Variants in DMD observed in about 807,000 individuals in gnomAD.
DMD encodes the protein dystrophin, also known as mutant dystrophin.
DMD carries 63 observed loss-of-function variants against 330.1 expected under a neutral mutation model. The ratio of observed to expected loss-of-function variants is 0.19; its 90% CI spans 0.16 to 0.24. The LOEUF (loss-of-function observed/expected upper bound fraction) is 0.24. Among genes scored for constraint, DMD ranks in the 10% least tolerant of loss-of-function variants. The pLI, the probability that DMD is intolerant of heterozygous loss-of-function variation, is 1.00. For missense variants in DMD, 3,344 were observed against 2,684.1 expected, an observed-to-expected ratio of 1.25 and a Z score of -5.43; for synonymous variants, 1,223 against 959.8, an observed-to-expected ratio of 1.27 and a Z score of -5.07.
chrX:32,380,692 T>A lies in DMD; in HGVS notation c.4675-12A>T. On this transcript the variant is annotated splice_polypyrimidine_tract_variant and intron_variant, in intron 33 of 78. Coordinates refer to ENST00000357033, the MANE Select transcript of DMD (RefSeq NM_004006.3). Reference sequence around the variant, plus strand: ...TTTCTTTCTGTTACCTGAAAAGAATTATAATGAAATGTAATTTAGTTTACT... The same window carrying A: ...TTTCTTTCTGTTACCTGAAAAGAATAATAATGAAATGTAATTTAGTTTACT... 8.4e-7 allele frequency: 1 copy of A among 1,195,022 alleles called. No homozygotes were observed. Among genetic ancestry groups the A allele is most frequent in the Non-Finnish European group, 1.1e-6 (1 of 885,149 alleles).
intron 2 of DMD, among the ~76,000 whole-genome samples, chrX:32,917,346 C>T (rs1293974777): frequency 9.0e-6 from 1 of 111,376 alleles, no homozygotes; most frequent in African/African-American, 3.3e-5. Context: ...TAAAAATGAA[C>T]TAATACAACA....
intron 27 of DMD, among the ~76,000 whole-genome samples, chrX:32,442,856 A>G (rs1009739439): frequency 9.0e-6 from 1 of 111,129 alleles, no homozygotes; most frequent in African/African-American, 3.3e-5. Context: ...CTCAGACACA[A>G]ATATGTTGGG....
chrX:32,844,363 G>A (rs959486896), intron 4 of DMD, among the ~76,000 whole-genome samples: 36 of 103,348 alleles, frequency 3.5e-4, no homozygotes, highest in African/African-American at 9.9e-4. Flanking sequence ...CCGAGATCAC[G>A]CCACTGCACT....
intron 13 of DMD, among the ~76,000 whole-genome samples, chrX:32,593,788 A>C (rs1415625077): frequency 8.9e-6 from 1 of 112,443 alleles, no homozygotes; most frequent in East Asian, 2.8e-4. Context: ...TTTAGTTATA[A>C]AATTTAGTTT....
At position 31,974,371 on chromosome X, in the gene DMD, G is replaced by A. The variant is rs1248966955; in HGVS notation, c.6439-5857C>T. Among the ~76,000 whole-genome samples the A allele has an allele frequency of 3.8e-4, 42 of 110,985 alleles. 1 individual carries two copies. The Admixed American group carries it at 3.9e-3, about 10-fold the overall frequency. On this transcript the variant is annotated intron_variant, in intron 44 of 78. Transcript: ENST00000357033. ...TGTACCCCAAACCTCAGCATCATGC[G>A]CTATTCCCCTGTGACAAGCCTGTAC...
intron 62 of DMD, among the ~76,000 whole-genome samples, chrX:31,270,678 C>T (rs1203109397): frequency 9.0e-6 from 1 of 111,710 alleles, no homozygotes; most frequent in Non-Finnish European, 1.9e-5. Context: ...GACTTGTATC[C>T]TGAAAGGTAT....
intron 2 of DMD, among the ~76,000 whole-genome samples, chrX:32,862,857 G>C (rs952553736): frequency 1.8e-5 from 2 of 110,245 alleles, no homozygotes; most frequent in Non-Finnish European, 3.8e-5. Flanking sequence ...CTGCCTCCGC[G>C]TCCCTAGTAG....
intron 1 of DMD, among the ~76,000 whole-genome samples, chrX:33,046,748 G>A (rs775830487): frequency 8.9e-5 from 10 of 112,253 alleles, no homozygotes; most frequent in Non-Finnish European, 1.3e-4. Context: ...TTTAGTGCCC[G>A]GAAGGGGCAT....
intron 54 of DMD, among the ~76,000 whole-genome samples, chrX:31,637,275 A>C (rs1241438315): frequency 1.6e-4 from 18 of 111,901 alleles, no homozygotes. Flanking sequence ...TATCAAAATA[A>C]AGATTTAAAG....
rs150827869 is a variant in DMD at position 31,439,428 on chromosome X, G to A, written c.9084+5053C>T. ...AAAAGATGAGGCTCTAGATCCCTGC[G>A]ACAGCAAGTTACCACAGAGGTATAC... is the stretch of plus-strand genomic sequence containing the variant. On this transcript the variant is annotated intron_variant, in intron 60 of 78. Transcript: ENST00000357033. 6.1e-3 allele frequency among the ~76,000 whole-genome samples: 681 copies of A among 111,809 alleles called. 4 individuals carry two copies. Among genetic ancestry groups the A allele is most frequent in the African/African-American group, 0.021 (653 of 30,848 alleles).
chrX:32,719,238 T>A (rs1049923665), intron 7 of DMD, among the ~76,000 whole-genome samples: 1 of 111,900 alleles, frequency 8.9e-6, no homozygotes, highest in Non-Finnish European at 1.9e-5. Context: ...TAATATAAGA[T>A]AGACTGGTTG....
At chrX:32,653,869 T>C (rs1169610476) in intron 9 of DMD, among the ~76,000 whole-genome samples, 1 of 111,955 alleles carries the variant, frequency 8.9e-6, no homozygotes, top group Non-Finnish European at 1.9e-5. Flanking sequence ...GAAGAGGTCC[T>C]TCACATCCCT....
At chrX:31,518,654 G>C (rs1445627949) in intron 55 of DMD, among the ~76,000 whole-genome samples, 1 of 109,723 alleles carries the variant, frequency 9.1e-6, no homozygotes, top group African/African-American at 3.3e-5. Flanking sequence ...GCAGAGCCAT[G>C]ATGAGGGGTG....
intron 58 of DMD, 43 bp downstream of exon 58, chrX:31,478,940 G>A (rs761507257): frequency 8.3e-7 from 1 of 1,197,788 alleles, no homozygotes; most frequent in Admixed American, 2.2e-5. Flanking sequence ...CGTCACCACT[G>A]ATCCTTCTAT....
chrX:32,577,936 T>C (rs978574391), intron 13 of DMD, among the ~76,000 whole-genome samples: 1 of 112,455 alleles, frequency 8.9e-6, no homozygotes, highest in South Asian at 3.6e-4. Context: ...AAATAGATAA[T>C]ACACGAAGTG....
chrX:31,121,561 AAATGCGTTCCAT>A lies in DMD; in HGVS notation c.*346_*357del. Reference sequence around the variant, plus strand: ...CTGTTATAAATTTTTAAACAACCCAAAATGCGTTCCATATAAAGAAATGGCAAGTTATTTAGC... The same window carrying A: ...CTGTTATAAATTTTTAAACAACCCAAATAAAGAAATGGCAAGTTATTTAGC... On this transcript the variant is annotated 3_prime_UTR_variant, in exon 79 of 79. Coordinates refer to ENST00000357033, the MANE Select transcript of DMD (RefSeq NM_004006.3). 3.8e-6 allele frequency: 1 copy of A among 266,390 alleles called. No homozygotes were observed. The highest frequency in any genetic ancestry group is 7.2e-5 in the East Asian group (1 of 13,868). 22.0% of individuals were successfully genotyped at this position (266,390 alleles called of 1,213,427 possible).
intron 60 of DMD, among the ~76,000 whole-genome samples, chrX:31,411,301 G>A (rs1266796415): frequency 9.0e-6 from 1 of 111,237 alleles, no homozygotes; most frequent in Non-Finnish European, 1.9e-5. Context: ...ACCAACAGAG[G>A]ACATCAGAAC....
intron 17 of DMD, among the ~76,000 whole-genome samples, chrX:32,532,230 T>C (rs1294346145): frequency 9.0e-6 from 1 of 111,714 alleles, no homozygotes; most frequent in African/African-American, 3.3e-5. Context: ...GTGAAAAAGG[T>C]CTCTGTATTT....
intron 43 of DMD, among the ~76,000 whole-genome samples, chrX:32,269,144 A>G (rs1326842764): frequency 1.8e-5 from 2 of 110,969 alleles, no homozygotes; most frequent in Non-Finnish European, 3.8e-5. Context: ...TGTAACTGGT[A>G]TACGACCTTC....
Sources: gnomAD v4.1 joint callset for allele counts (sites outside exome capture counted in the v4.1 genomes callset) on GRCh38, gnomAD v4.1.1 for gene constraint, MANE v1.5 for transcripts, NCBI Gene and HGNC (gene_info 2026-07-23, HGNC 2026-07-21) for gene names.